The following TTC28 variants were observed in gnomAD, a reference collection of about 807,000 sequenced individuals.
TTC28 encodes tetratricopeptide repeat domain 28.
Under a neutral mutation model 198.0 loss-of-function variants are expected in TTC28, and 61 were observed. The observed-to-expected ratio is 0.31, with a 90% CI of 0.25 to 0.38. The LOEUF (loss-of-function observed/expected upper bound fraction) is 0.38. Among genes scored for constraint, TTC28 ranks in the 10% least tolerant of loss-of-function variants. TTC28 has a pLI of 1.00. For synonymous variants in TTC28, 1,171 were observed against 1,297.8 expected (o/e 0.90, Z 2.10); for missense variants, 2,678 against 3,164.0 (o/e 0.85, Z 3.69).
intron 2 of TTC28, among the ~76,000 whole-genome samples, chr22:28,340,452 A>AT (rs1205225752): frequency 6.7e-6 from 1 of 149,910 alleles, no homozygotes; most frequent in Non-Finnish European, 1.5e-5. Flanking sequence ...CTTTTCAAAC[A>AT]TTTTTTTCCT....
At chr22:28,553,847 C>T (rs2049742066) in intron 2 of TTC28, among the ~76,000 whole-genome samples, 1 of 152,244 alleles carries the variant, frequency 6.6e-6, no homozygotes, top group Admixed American at 6.5e-5. Flanking sequence ...GCCCCTCTGC[C>T]TGGCCACCAC....
intron 5 of TTC28, among the ~76,000 whole-genome samples, chr22:28,235,393 T>G (rs1349369927): frequency 6.6e-6 from 1 of 152,238 alleles, no homozygotes; most frequent in Non-Finnish European, 1.5e-5. Context: ...GGCCTCTAAA[T>G]ATCAGATTTC....
At chr22:28,312,858 G>C (rs970936748) in intron 2 of TTC28, among the ~76,000 whole-genome samples, 1 of 152,008 alleles carries the variant, frequency 6.6e-6, no homozygotes, top group Non-Finnish European at 1.5e-5. Context: ...AAATAACTAA[G>C]ATCAGAGCAG....
intron 2 of TTC28, among the ~76,000 whole-genome samples, chr22:28,424,385 C>T (rs1303828673): frequency 2.0e-5 from 3 of 152,128 alleles, no homozygotes; most frequent in African/African-American, 7.2e-5. Context: ...TCTCTACTTC[C>T]TTCAGGTTCT....
intron 2 of TTC28, among the ~76,000 whole-genome samples, chr22:28,395,671 T>C (rs966030138): frequency 2.7e-5 from 4 of 150,844 alleles, no homozygotes; most frequent in African/African-American, 9.7e-5. Context: ...CCAATACTCA[T>C]TGTTACTGTG....
At chr22:28,563,416 A>G (rs2049922406) in intron 2 of TTC28, among the ~76,000 whole-genome samples, 2 of 152,190 alleles carry the variant, frequency 1.3e-5, no homozygotes, top group Non-Finnish European at 2.9e-5. Context: ...CAAAGCAAAT[A>G]AGAACTGCAG....
intron 2 of TTC28, among the ~76,000 whole-genome samples, chr22:28,422,815 A>G (rs2047281906): frequency 6.6e-6 from 1 of 152,150 alleles, no homozygotes; most frequent in Admixed American, 6.5e-5. Context: ...TGAATTTCTT[A>G]TTTTGCATAC....
chr22:28,256,780 C>T (rs932180812), intron 5 of TTC28, among the ~76,000 whole-genome samples: 1 of 152,168 alleles, frequency 6.6e-6, no homozygotes, highest in East Asian at 1.9e-4. Flanking sequence ...TGGCCCATGC[C>T]GTAATCTCAG....
intron 1 of TTC28, among the ~76,000 whole-genome samples, chr22:28,635,972 CCCT>C (rs1460168886): frequency 2.0e-5 from 3 of 151,920 alleles, no homozygotes; most frequent in Non-Finnish European, 2.9e-5. Context: ...CACCCTTGTC[CCCT>C]GATAACCACC....
chr22:28,590,924 G>A (rs1007018349), intron 2 of TTC28, among the ~76,000 whole-genome samples: 11 of 149,176 alleles, frequency 7.4e-5, no homozygotes, highest in African/African-American at 2.5e-4. Flanking sequence ...CAGGAGAATC[G>A]CAACCCGGGA....
chr22:28,670,356 C>T (rs1229696102), intron 1 of TTC28, among the ~76,000 whole-genome samples: 3 of 152,088 alleles, frequency 2.0e-5, no homozygotes, highest in East Asian at 1.9e-4. Flanking sequence ...ACCCAACGTT[C>T]GTGACAAACA....
chr22:28,459,889 T>C (rs1318548856), intron 2 of TTC28: 1 of 152,196 alleles, frequency 6.6e-6, no homozygotes, highest in Non-Finnish European at 1.5e-5. Flanking sequence ...AACTATCATT[T>C]CCAAGGTTGT....
At chr22:28,315,515 G>C (rs1211505791) in intron 2 of TTC28, among the ~76,000 whole-genome samples, 1 of 152,012 alleles carries the variant, frequency 6.6e-6, no homozygotes, top group Non-Finnish European at 1.5e-5. Context: ...AGTTTTACTT[G>C]TTCACATTTA....
chr22:28,460,522 T>A (rs2047932221), intron 2 of TTC28, among the ~76,000 whole-genome samples: 1 of 151,942 alleles, frequency 6.6e-6, no homozygotes. Flanking sequence ...ATCTAGGACA[T>A]CTCAGGAGCT....
intron 2 of TTC28, among the ~76,000 whole-genome samples, chr22:28,538,987 G>A (rs2049354916): frequency 1.3e-5 from 2 of 152,110 alleles, no homozygotes; most frequent in African/African-American, 4.8e-5. Context: ...AATAACTGAG[G>A]TAGATTCACC....
At chr22:28,457,683 T>C (rs1018135255) in intron 2 of TTC28, among the ~76,000 whole-genome samples, 4 of 152,236 alleles carry the variant, frequency 2.6e-5, no homozygotes, top group African/African-American at 7.2e-5. Context: ...CATACTGTTT[T>C]AATTATTGGT....
chr22:28,321,749 C>A lies in TTC28; in HGVS notation c.382-15106G>T, dbSNP rs111935081. 3.9e-3 allele frequency among the ~76,000 whole-genome samples: 590 copies of A among 152,232 alleles called. 5 individuals carry two copies. Among genetic ancestry groups the A allele is most frequent in the Middle Eastern group, 0.031 (9 of 294 alleles). On this transcript the variant is annotated intron_variant, in intron 2 of 22. Transcript: ENST00000397906. ...AAATACCTACATATATGCAGCAAAA[C>A]TTAGGATAATTTATAGTGGCAGGAA...
chr22:28,620,745 C>G (rs561122607), intron 2 of TTC28, among the ~76,000 whole-genome samples: 5 of 152,106 alleles, frequency 3.3e-5, no homozygotes, highest in African/African-American at 1.2e-4. Context: ...GACTTTCTAC[C>G]GGGCCAAAGA....
At chr22:28,475,391 A>G (rs2048150547) in intron 2 of TTC28, among the ~76,000 whole-genome samples, 1 of 152,002 alleles carries the variant, frequency 6.6e-6, no homozygotes, top group Non-Finnish European at 1.5e-5. Flanking sequence ...TAATGTACAC[A>G]TCTCTGGAAA....
Sources: allele counts gnomAD v4.1 joint callset (sites outside exome capture counted in the v4.1 genomes callset), GRCh38; gene constraint gnomAD v4.1.1; transcripts MANE v1.5; gene names NCBI Gene and HGNC (gene_info 2026-07-23, HGNC 2026-07-21).